Variants in TOX observed in about 807,000 individuals in gnomAD.
TOX encodes thymocyte selection-associated high mobility group box protein TOX.
In TOX, 11 loss-of-function variants were observed where a neutral mutation model predicts 53.7. The observed-to-expected ratio is 0.20, with a 90% confidence interval of 0.13 to 0.34. The LOEUF (loss-of-function observed/expected upper bound fraction) is 0.34. Ranked by LOEUF, TOX falls within the 10% of genes least tolerant of loss-of-function variation. TOX has a pLI of 1.00. For missense variants in TOX, 570 were observed against 664.6 expected, an observed-to-expected ratio of 0.86 and a Z score of 1.56; for synonymous variants, 225 against 245.3, an observed-to-expected ratio of 0.92 and a Z score of 0.77.
chr8:58,959,885 C>G (rs1812772778), intron 2 of TOX, 58 bp downstream of exon 2: 4 of 1,567,162 alleles, frequency 2.6e-6, no homozygotes, highest in Admixed American at 3.3e-5. Flanking sequence ...TGCAATGCAA[C>G]TCTTTGAATT....
In TOX at chr8:59,082,853, A is replaced by G. The variant is rs199939561; in HGVS notation, c.102+36033T>C. Among the ~76,000 whole-genome samples the G allele has an allele frequency of 4.5e-4, 69 of 152,332 alleles. 1 individual carries two copies. In the East Asian group the frequency reaches 0.012, roughly 27 times the overall value. On this transcript the variant is annotated intron_variant, in intron 1 of 8. Coordinates refer to ENST00000361421, the MANE Select transcript of TOX (RefSeq NM_014729.3). The stretch of plus-strand genomic sequence containing the variant: ...TGATTTCTGTATAAATCACACAGGA[A>G]GCTATGTCCCTCATCCTTTCCTTAA...
At chr8:58,951,930 A>G (rs1812628704) in intron 2 of TOX, among the ~76,000 whole-genome samples, 1 of 152,230 alleles carries the variant, frequency 6.6e-6, no homozygotes, top group Admixed American at 6.5e-5. Flanking sequence ...ACATTTTTAA[A>G]CACTCAAACT....
chr8:58,814,694 G>T (rs542068590), intron 7 of TOX: 4 of 152,312 alleles, frequency 2.6e-5, no homozygotes, highest in African/African-American at 9.6e-5. Flanking sequence ...TGATTTCAAA[G>T]AAAAGTTAAG....
intron 3 of TOX, among the ~76,000 whole-genome samples, chr8:58,930,673 A>T (rs1209478722): frequency 6.6e-6 from 1 of 152,132 alleles, no homozygotes; most frequent in African/African-American, 2.4e-5. Context: ...AAGAAGCCCC[A>T]ACCATACCCC....
chr8:59,090,493 C>T (rs1357043338), intron 1 of TOX, among the ~76,000 whole-genome samples: 1 of 152,104 alleles, frequency 6.6e-6, no homozygotes, highest in Non-Finnish European at 1.5e-5. Flanking sequence ...GAGAATGCCA[C>T]CTGTTTATTG....
At chr8:59,026,322 G>T (rs937544002) in intron 1 of TOX, among the ~76,000 whole-genome samples, 1 of 152,092 alleles carries the variant, frequency 6.6e-6, no homozygotes. Context: ...CAAAGTCATG[G>T]ACCAATAGGA....
intron 6 of TOX, among the ~76,000 whole-genome samples, chr8:58,825,073 G>T (rs550233732): frequency 1.4e-4 from 21 of 152,274 alleles, no homozygotes; most frequent in Admixed American, 1.4e-3. Context: ...AATTAAAATG[G>T]AAAAGAATTA....
chr8:58,938,359 G>A (rs16924307), intron 3 of TOX, among the ~76,000 whole-genome samples: 3,187 of 152,202 alleles, frequency 0.021, 128 homozygotes, highest in African/African-American at 0.072. Context: ...AGTACTGTTC[G>A]ATGACTTATG....
At chr8:58,933,009 G>A (rs566172229) in intron 3 of TOX, among the ~76,000 whole-genome samples, 4 of 152,208 alleles carry the variant, frequency 2.6e-5, no homozygotes, top group East Asian at 3.9e-4. Context: ...TCCAGAACTG[G>A]AAATTTGACA....
At chr8:58,942,061 A>G (rs969578926) in intron 2 of TOX, among the ~76,000 whole-genome samples, 17 of 152,082 alleles carry the variant, frequency 1.1e-4, no homozygotes, top group Middle Eastern at 6.8e-3. Context: ...CTCAAAAAAA[A>G]AAAAAAAAAG....
chr8:58,895,138 A>C (rs751834712), intron 3 of TOX, among the ~76,000 whole-genome samples: 23 of 152,098 alleles, frequency 1.5e-4, no homozygotes, highest in Admixed American at 3.9e-4. Context: ...CACTGAGTGG[A>C]GATTGCACCA....
Position 59,089,654 on chromosome 8 carries a change from A to G in TOX, c.102+29232T>C, listed in dbSNP as rs575900831. Among the ~76,000 whole-genome samples the G allele has an allele frequency of 3.3e-5, 5 of 152,356 alleles. No individual in the cohort carries two copies. In the South Asian group the frequency reaches 1.0e-3, roughly 32 times the overall value. On this transcript the variant is annotated intron_variant, in intron 1 of 8. Transcript: ENST00000361421. ...CACCTAGGCTGGACGGCAGTCGTCA[A>G]TCACCACTGACTGCAGCCTCAATCT...
chr8:58,815,086 A>G (rs1466832543), intron 7 of TOX, among the ~76,000 whole-genome samples: 2 of 149,008 alleles, frequency 1.3e-5, no homozygotes, highest in Admixed American at 6.7e-5. Context: ...ATATCATGGG[A>G]AAGAAACCAG....
chr8:58,989,357 T>C (rs1813398342), intron 1 of TOX, among the ~76,000 whole-genome samples: 1 of 151,994 alleles, frequency 6.6e-6, no homozygotes, highest in Non-Finnish European at 1.5e-5. Flanking sequence ...CTTTTAGCTA[T>C]GTTTAGTGCA....
intron 5 of TOX, among the ~76,000 whole-genome samples, chr8:58,827,258 A>T (rs1188106115): frequency 6.6e-6 from 1 of 152,218 alleles, no homozygotes; most frequent in East Asian, 1.9e-4. Context: ...ATATTTATAT[A>T]ATGGGCAGAT....
intron 1 of TOX, among the ~76,000 whole-genome samples, chr8:59,028,872 G>A (rs1814295617): frequency 1.3e-5 from 2 of 152,112 alleles, no homozygotes; most frequent in South Asian, 4.1e-4. Flanking sequence ...TATGGTAGCT[G>A]TAAAATATTT....
At chr8:59,014,937 T>A (rs1007712137) in intron 1 of TOX, among the ~76,000 whole-genome samples, 11 of 152,212 alleles carry the variant, frequency 7.2e-5, no homozygotes, top group Non-Finnish European at 1.5e-4. Flanking sequence ...AATTCAAATT[T>A]AATGAATGCC....
intron 2 of TOX, among the ~76,000 whole-genome samples, chr8:58,945,911 G>A (rs1440091995): frequency 6.6e-6 from 1 of 151,762 alleles, no homozygotes; most frequent in Non-Finnish European, 1.5e-5. Flanking sequence ...TCATTATACA[G>A]AGCACTTTAT....
chr8:58,925,354 G>A (rs116002438), intron 3 of TOX, among the ~76,000 whole-genome samples: 3,431 of 152,230 alleles, frequency 0.023, 49 homozygotes, highest in Middle Eastern at 0.092. Flanking sequence ...CATTCATCGC[G>A]CAGTTAGCTC....
Sources: allele counts gnomAD v4.1 joint callset (sites outside exome capture counted in the v4.1 genomes callset), GRCh38; gene constraint gnomAD v4.1.1; transcripts MANE v1.5; gene names NCBI Gene and HGNC (gene_info 2026-07-23, HGNC 2026-07-21).